Variants in NRXN1 observed in about 807,000 individuals in gnomAD.
NRXN1 encodes neurexin-1.
Under a neutral mutation model 150.9 loss-of-function variants are expected in NRXN1, and 39 were observed. That is an observed-to-expected ratio of 0.26 (90% CI 0.20 to 0.34). The LOEUF (loss-of-function observed/expected upper bound fraction) is 0.34, where lower values mean the gene tolerates loss of function less well. Ranked by LOEUF, NRXN1 falls within the 10% of genes least tolerant of loss-of-function variation. The pLI is 1.00. For synonymous variants in NRXN1, 924 were observed against 757.0 expected, an observed-to-expected ratio of 1.22 and a Z score of -3.62; for missense variants, 1,815 against 1,949.9, an observed-to-expected ratio of 0.93 and a Z score of 1.30.
intron 18 of NRXN1, among the ~76,000 whole-genome samples, chr2:50,140,127 G>T (rs994564988): frequency 6.6e-6 from 1 of 152,008 alleles, no homozygotes; most frequent in Non-Finnish European, 1.5e-5. Context: ...TGAGCAAATG[G>T]ATTAAAATAT....
At chr2:50,739,219 C>G (rs746405298) in intron 5 of NRXN1, 2 of 492,400 alleles carry the variant, frequency 4.1e-6, no homozygotes, top group Non-Finnish European at 8.2e-6. Flanking sequence ...AGAAATCGAC[C>G]AAGGGCACTG....
intron 17 of NRXN1, among the ~76,000 whole-genome samples, chr2:50,284,634 C>T (rs1264609318): frequency 6.6e-6 from 1 of 152,152 alleles, no homozygotes; most frequent in Non-Finnish European, 1.5e-5. Context: ...TTTATCCTTA[C>T]TCACCAAACC....
At chr2:50,674,986 T>C (rs1689351399) in intron 5 of NRXN1, among the ~76,000 whole-genome samples, 1 of 151,686 alleles carries the variant, frequency 6.6e-6, no homozygotes, top group African/African-American at 2.4e-5. Context: ...GGGCAGATGA[T>C]CCCTCAGAAA....
intron 13 of NRXN1, among the ~76,000 whole-genome samples, chr2:50,500,470 A>C (rs2104944316): frequency 6.6e-6 from 1 of 152,258 alleles, no homozygotes; most frequent in South Asian, 2.1e-4. Flanking sequence ...TTAAAAAATT[A>C]TTTTTTCTCA....
intron 5 of NRXN1, among the ~76,000 whole-genome samples, chr2:50,719,714 C>T (rs1696381669): frequency 6.6e-6 from 1 of 152,072 alleles, no homozygotes; most frequent in African/African-American, 2.4e-5. Context: ...TAACAACAAT[C>T]ATTTTTCATT....
intron 21 of NRXN1, among the ~76,000 whole-genome samples, chr2:49,968,072 C>T (rs1390515810): frequency 1.3e-5 from 2 of 151,450 alleles, no homozygotes; most frequent in Non-Finnish European, 2.9e-5. Flanking sequence ...AAAATTGTTT[C>T]ACCTAAGGCC....
At chr2:50,772,595 T>TAA (rs1377130046) in intron 5 of NRXN1, among the ~76,000 whole-genome samples, 1 of 152,122 alleles carries the variant, frequency 6.6e-6, no homozygotes, top group Non-Finnish European at 1.5e-5. Flanking sequence ...ATGCTTGTGT[T>TAA]TTCTTGAGTC....
rs144311072 is a variant in NRXN1 at position 50,274,783 on chromosome 2, T to TAAA, written c.3365-37816_3365-37814dup. On this transcript the variant is annotated intron_variant, in intron 17 of 22. Coordinates refer to ENST00000401669, the MANE Select transcript of NRXN1 (RefSeq NM_001330078.2). ...TAGTCAAAAATGCCTTTCAACTACT[T>TAAA]AAAAAAAAACCCATAAAAATGTAGT... Among the ~76,000 whole-genome samples, 81 of 151,006 alleles carry TAAA rather than the reference T, an allele frequency of 5.4e-4. 2 individuals are homozygous for TAAA. The highest frequency in any genetic ancestry group is 6.8e-3 in the Middle Eastern group (2 of 294).
At chr2:50,858,760 G>A (rs1675641332) in intron 5 of NRXN1, among the ~76,000 whole-genome samples, 1 of 152,068 alleles carries the variant, frequency 6.6e-6, no homozygotes, top group Non-Finnish European at 1.5e-5. Flanking sequence ...TATTAGGCTT[G>A]TAAATGTAAT....
chr2:50,447,555 T>G (rs1438918783), intron 17 of NRXN1, among the ~76,000 whole-genome samples: 2 of 142,542 alleles, frequency 1.4e-5, no homozygotes, highest in African/African-American at 5.2e-5. Context: ...CATATATATA[T>G]ACATATATAT....
chr2:50,820,082 T>C (rs1028487186), intron 5 of NRXN1, among the ~76,000 whole-genome samples: 1 of 152,070 alleles, frequency 6.6e-6, no homozygotes, highest in African/African-American at 2.4e-5. Flanking sequence ...ATTAATACAT[T>C]TTTAAGAACC....
chr2:50,763,619 C>G (rs929027309), intron 5 of NRXN1, among the ~76,000 whole-genome samples: 1 of 151,836 alleles, frequency 6.6e-6, no homozygotes, highest in East Asian at 1.9e-4. Flanking sequence ...TGCTCTCCAG[C>G]CAACTTGTGG....
chr2:50,113,099 GC>G (rs1702589980), intron 18 of NRXN1, among the ~76,000 whole-genome samples: 1 of 152,060 alleles, frequency 6.6e-6, no homozygotes, highest in Non-Finnish European at 1.5e-5. Context: ...TTTGATTCCT[GC>G]TCAGTGACGA....
intron 17 of NRXN1, among the ~76,000 whole-genome samples, chr2:50,351,632 G>C (rs913175669): frequency 1.3e-5 from 2 of 152,000 alleles, no homozygotes; most frequent in African/African-American, 2.4e-5. Context: ...TATGAGGAAT[G>C]GTTCCATAAT....
Position 49,944,821 on chromosome 2 carries a change from T to C in NRXN1, c.4129-1030A>G, listed in dbSNP as rs553034464. Among the ~76,000 whole-genome samples the C allele has an allele frequency of 1.5e-4, 22 of 150,746 alleles. No homozygotes were observed. In the East Asian group the frequency reaches 3.3e-3, roughly 22 times the overall value. ...TCAAACAATTCTCAGAATTGCAACA[T>C]TGATACAGTTCTCATTTAAAAGTGG... On this transcript the variant is annotated intron_variant, in intron 21 of 22. Transcript: ENST00000401669.
At chr2:49,987,122 C>T (rs1286705994) in intron 21 of NRXN1, among the ~76,000 whole-genome samples, 3 of 152,060 alleles carry the variant, frequency 2.0e-5, no homozygotes, top group Non-Finnish European at 4.4e-5. Flanking sequence ...GGACTTATTC[C>T]TCCTTATCTA....
At chr2:50,739,345 C>A in intron 5 of NRXN1, 1 of 399,674 alleles carries the variant, frequency 2.5e-6, no homozygotes, top group Non-Finnish European at 5.2e-6. Context: ...AAATACTAGT[C>A]ACAAAGTGAA....
intron 17 of NRXN1, among the ~76,000 whole-genome samples, chr2:50,369,858 A>G (rs942531644): frequency 6.6e-6 from 1 of 151,990 alleles, no homozygotes; most frequent in East Asian, 1.9e-4. Context: ...GCTGGAGGAC[A>G]GTGGTAGAGA....
intron 17 of NRXN1, among the ~76,000 whole-genome samples, chr2:50,244,074 T>C (rs917056000): frequency 6.6e-6 from 1 of 151,916 alleles, no homozygotes; most frequent in Non-Finnish European, 1.5e-5. Flanking sequence ...CTAATAAATG[T>C]TCTACATTTT....
Sources: gnomAD v4.1 joint callset for allele counts (sites outside exome capture counted in the v4.1 genomes callset) on GRCh38, gnomAD v4.1.1 for gene constraint, MANE v1.5 for transcripts, NCBI Gene and HGNC (gene_info 2026-07-23, HGNC 2026-07-21) for gene names.